DMD: variants seen among roughly 807,000 people sequenced by gnomAD.
DMD encodes dystrophin.
Under a neutral mutation model 330.1 loss-of-function variants are expected in DMD, and 63 were observed. The ratio of observed to expected loss-of-function variants is 0.19; its 90% CI spans 0.16 to 0.24. DMD has a LOEUF of 0.24. DMD is among the 10% of genes least tolerant of loss of function. The pLI is 1.00. For missense variants in DMD, 3,344 were observed against 2,684.1 expected, an observed-to-expected ratio of 1.25 and a Z score of -5.43; for synonymous variants, 1,223 against 959.8, an observed-to-expected ratio of 1.27 and a Z score of -5.07.
intron 50 of DMD, among the ~76,000 whole-genome samples, chrX:31,788,048 T>A (rs2091398678): frequency 8.9e-6 from 1 of 112,375 alleles, no homozygotes; most frequent in Non-Finnish European, 1.9e-5. Flanking sequence ...TTCAGTGGTT[T>A]TAAATTATGC....
intron 19 of DMD, among the ~76,000 whole-genome samples, chrX:32,499,260 A>G (rs1156275596): frequency 2.7e-5 from 3 of 112,226 alleles, no homozygotes; most frequent in Non-Finnish European, 5.6e-5. Context: ...ATAGATACAT[A>G]TAAAATATAG....
At chrX:32,635,811 T>C (rs776491089) in intron 11 of DMD, among the ~76,000 whole-genome samples, 124 of 112,097 alleles carry the variant, frequency 1.1e-3, no homozygotes, top group Non-Finnish European at 2.1e-3. Context: ...CCCCCTCAAA[T>C]GTGTAAGACT....
At chrX:31,412,503 G>T (rs1391999325) in intron 60 of DMD, among the ~76,000 whole-genome samples, 1 of 111,986 alleles carries the variant, frequency 8.9e-6, no homozygotes, top group Non-Finnish European at 1.9e-5. Context: ...TCACAACACT[G>T]CTGGCACACG....
At chrX:33,225,755 G>T (rs1354228659) in intron 1 of DMD, among the ~76,000 whole-genome samples, 4 of 110,906 alleles carry the variant, frequency 3.6e-5, no homozygotes, top group Non-Finnish European at 5.7e-5. Context: ...TGAGAAAGAT[G>T]CTGCCAAGAG....
intron 7 of DMD, among the ~76,000 whole-genome samples, chrX:32,766,879 T>A (rs2073058380): frequency 9.0e-6 from 1 of 111,332 alleles, no homozygotes; most frequent in Admixed American, 9.6e-5. Flanking sequence ...TGCCATATAT[T>A]TATACAATTA....
chrX:32,841,437 C>T (rs2080148367), intron 4 of DMD, among the ~76,000 whole-genome samples: 1 of 111,660 alleles, frequency 9.0e-6, no homozygotes, highest in Non-Finnish European at 1.9e-5. Context: ...ACCTAGTTCA[C>T]CAGATACTAG....
At chrX:33,189,797 T>A (rs2050442768) in intron 1 of DMD, among the ~76,000 whole-genome samples, 1 of 111,720 alleles carries the variant, frequency 9.0e-6, no homozygotes, top group African/African-American at 3.3e-5. Flanking sequence ...TTCCAACTTT[T>A]AAGTTAAGGC....
chrX:32,641,325 G>A (rs2059434016), intron 11 of DMD: 1 of 116,116 alleles, frequency 8.6e-6, no homozygotes, highest in Admixed American at 1.0e-4. Context: ...GATCATTATT[G>A]AGTCTCCAGT....
intron 4 of DMD, among the ~76,000 whole-genome samples, chrX:32,832,871 A>G (rs1381258798): frequency 2.7e-5 from 3 of 111,476 alleles, no homozygotes; most frequent in African/African-American, 9.7e-5. Flanking sequence ...TGGATTTCCA[A>G]TGACAGCTTT....
At chrX:31,134,796 A>G (rs749783419) in intron 76 of DMD, among the ~76,000 whole-genome samples, 1 of 112,618 alleles carries the variant, frequency 8.9e-6, no homozygotes, top group East Asian at 2.8e-4. Flanking sequence ...TACATGAGAT[A>G]ATGAATACTC....
At chrX:33,275,640 A>G (rs1158662672) in intron 1 of DMD, among the ~76,000 whole-genome samples, 1 of 111,505 alleles carries the variant, frequency 9.0e-6, no homozygotes, top group Non-Finnish European at 1.9e-5. Flanking sequence ...CTATTTAGGA[A>G]GTGTTCCAAA....
At chrX:32,939,960 A>C (rs2146800046) in intron 2 of DMD, among the ~76,000 whole-genome samples, 1 of 111,763 alleles carries the variant, frequency 8.9e-6, no homozygotes, top group African/African-American at 3.2e-5. Flanking sequence ...TACCCAAAGC[A>C]ATCTACGAAT....
chrX:32,125,606 T>A (rs1249069668), intron 44 of DMD, among the ~76,000 whole-genome samples: 1 of 111,946 alleles, frequency 8.9e-6, no homozygotes, highest in African/African-American at 3.2e-5. Flanking sequence ...TTAGTTAGGT[T>A]AAATCAGGAA....
intron 43 of DMD, among the ~76,000 whole-genome samples, chrX:32,285,771 C>A (rs186821783): frequency 9.0e-6 from 1 of 111,230 alleles, no homozygotes; most frequent in Non-Finnish European, 1.9e-5. Context: ...TGGATTTGGG[C>A]TCACTGCAGC....
At chrX:32,286,763 G>A (rs1229319180) in intron 43 of DMD, among the ~76,000 whole-genome samples, 1 of 111,682 alleles carries the variant, frequency 9.0e-6, no homozygotes, top group African/African-American at 3.3e-5. Flanking sequence ...ATGGACAGAT[G>A]TAAGAGATAC....
chrX:33,336,555 A>AT (rs762379065), intron 1 of DMD, among the ~76,000 whole-genome samples: 1 of 111,117 alleles, frequency 9.0e-6, no homozygotes, highest in Non-Finnish European at 1.9e-5. Context: ...GCTCAATAAA[A>AT]TTTTTACCTA....
chrX:31,574,138 T>C (rs769731272), intron 55 of DMD, among the ~76,000 whole-genome samples: 1 of 96,210 alleles, frequency 1.0e-5, no homozygotes, highest in East Asian at 3.5e-4. Context: ...CTGTTTGTTT[T>C]TTTTTTTGTT....
At chrX:32,023,785 A>C (rs2095824897) in intron 44 of DMD, among the ~76,000 whole-genome samples, 1 of 112,014 alleles carries the variant, frequency 8.9e-6, no homozygotes, top group African/African-American at 3.3e-5. Context: ...TGGCCTGTGC[A>C]ACAACATGGA....
chrX:32,761,336 CAGAAGTCTT>C (rs200996793), intron 7 of DMD, among the ~76,000 whole-genome samples: 7,821 of 111,426 alleles, frequency 0.07, 307 homozygotes, highest in Admixed American at 0.17. Context: ...GAGAGACACT[CAGAAGTCTT>C]AGAATTGTGT....
Sources: gnomAD v4.1 joint callset for allele counts (sites outside exome capture counted in the v4.1 genomes callset) on GRCh38, gnomAD v4.1.1 for gene constraint, MANE v1.5 for transcripts, NCBI Gene and HGNC (gene_info 2026-07-23, HGNC 2026-07-21) for gene names.